The following PCYT1B variants were observed in gnomAD, a reference collection of about 807,000 sequenced individuals.
The protein encoded by PCYT1B is phosphate cytidylyltransferase 1B, choline.
A neutral mutation model predicts 26.4 loss-of-function variants in PCYT1B; 10 were observed. That is an observed-to-expected ratio of 0.38 (90% confidence interval 0.23 to 0.64). PCYT1B has a LOEUF of 0.64. Ranked by LOEUF, PCYT1B falls within the 30% of genes least tolerant of loss-of-function variation. The pLI is 0.56. For missense variants in PCYT1B, 161 were observed against 292.7 expected (o/e 0.55, Z 3.28); for synonymous variants, 131 against 108.4 (o/e 1.21, Z -1.29).
intron 1 of PCYT1B, 183 bp from the exon 2 acceptor site, chrX:24,619,267 G>A (rs1336698335): frequency 7.2e-6 from 3 of 418,218 alleles, no homozygotes; most frequent in Non-Finnish European, 1.3e-5. Flanking sequence ...GAAACCTTTT[G>A]GTTTGTTTTT....
At chrX:24,585,021 T>C (rs771990231) in intron 5 of PCYT1B, among the ~76,000 whole-genome samples, 1 of 111,772 alleles carries the variant, frequency 8.9e-6, no homozygotes, top group South Asian at 3.8e-4. Context: ...CTATAAGCCC[T>C]GGAGTGTATA....
At chrX:24,648,402 A>T (rs1926691733), upstream of PCYT1B, among the ~76,000 whole-genome samples, 1 of 100,661 alleles carries the variant, frequency 9.9e-6, no homozygotes, top group South Asian at 4.5e-4. Flanking sequence ...TTTTACAGGT[A>T]TTCACATTCA....
chrX:24,560,806 AC>A lies in PCYT1B; in HGVS notation c.*1486del, dbSNP rs1410685171. 5.4e-5 allele frequency: 6 copies of A among 111,821 alleles called. No individual in the cohort carries two copies. Among genetic ancestry groups the A allele is most frequent in the African/African-American group, 2.0e-4 (6 of 30,620 alleles). 9.2% of individuals were successfully genotyped at this position (111,821 alleles called of 1,213,427 possible). A position where few individuals can be genotyped will look rare whatever the true frequency, so the allele number is the denominator to read the frequency against. ...CTGGTTTGGGCCTCTATTCAGTCAGACCCCAGCTCTGTGTCTGAATTTACTG... is the reference window on the plus strand; with the variant it reads ...CTGGTTTGGGCCTCTATTCAGTCAGACCCAGCTCTGTGTCTGAATTTACTG... On this transcript the variant is annotated 3_prime_UTR_variant, in exon 8 of 8. Transcript: ENST00000379144.
At chrX:24,614,163 C>T (rs1334298973) in intron 2 of PCYT1B, among the ~76,000 whole-genome samples, 5 of 110,597 alleles carry the variant, frequency 4.5e-5, no homozygotes, top group Admixed American at 9.7e-5. Context: ...CCAAAGGTGC[C>T]GATTCTGATT....
intron 4 of PCYT1B, among the ~76,000 whole-genome samples, chrX:24,588,390 C>T (rs1171268803): frequency 9.0e-6 from 1 of 111,364 alleles, no homozygotes; most frequent in East Asian, 2.8e-4. Flanking sequence ...TCTGGTCATC[C>T]TCATGCCTGC....
At chrX:24,651,468 AAAAAATATATATATATAT>A (rs1352769710), upstream of PCYT1B, among the ~76,000 whole-genome samples, 579 of 33,926 alleles carry the variant, frequency 0.017, 40 homozygotes, top group Non-Finnish European at 0.024. Flanking sequence ...AAAAAAAAAA[AAAAAATATATATATATAT>A]ATATATATAT....
intron 3 of PCYT1B, among the ~76,000 whole-genome samples, chrX:24,601,154 AC>A (rs1327712106): frequency 3.6e-5 from 4 of 111,837 alleles, no homozygotes; most frequent in African/African-American, 1.3e-4. Flanking sequence ...AAAATTAAAA[AC>A]TTCTGTTCTG....
intron 1 of PCYT1B, among the ~76,000 whole-genome samples, chrX:24,670,092 G>GA (rs1927215662): frequency 1.0e-4 from 9 of 90,255 alleles, no homozygotes; most frequent in Non-Finnish European, 1.7e-4. Flanking sequence ...AAGAAAGAAA[G>GA]AAAGAAAGAA....
Position 24,560,479 on chromosome X carries a change from T to C in PCYT1B, c.*1814A>G, listed in dbSNP as rs780571984. ...GGCCCTTGACTGCAAAAAGAAGTTTTCTTCTTCACATGCCATGTTCCTGCC... is the reference window on the plus strand; with the variant it reads ...GGCCCTTGACTGCAAAAAGAAGTTTCCTTCTTCACATGCCATGTTCCTGCC... On this transcript the variant is annotated 3_prime_UTR_variant, in exon 8 of 8. Coordinates refer to ENST00000379144, the MANE Select transcript of PCYT1B (RefSeq NM_004845.5). The C allele has an allele frequency of 1.8e-5, 2 of 112,192 alleles. No individual in the cohort carries two copies. Among genetic ancestry groups the C allele is most frequent in the South Asian group, 3.8e-4 (1 of 2,618 alleles). The allele number at this position is 112,192 out of a possible 1,213,427, so 9.2% of individuals were successfully genotyped here.
intron 1 of PCYT1B, among the ~76,000 whole-genome samples, chrX:24,656,097 C>A (rs1407558415): frequency 1.1e-5 from 1 of 91,668 alleles, no homozygotes; most frequent in East Asian, 3.4e-4. Flanking sequence ...TCATTGCACT[C>A]CAGCCTGGGC....
intron 1 of PCYT1B, among the ~76,000 whole-genome samples, chrX:24,654,396 C>T (rs1246259716): frequency 1.9e-5 from 2 of 105,505 alleles, no homozygotes; most frequent in African/African-American, 3.4e-5. Flanking sequence ...CGTGAGCCAC[C>T]GCGCCTGGCC....
At chrX:24,623,299 G>T (rs1307968511) in intron 1 of PCYT1B, among the ~76,000 whole-genome samples, 5 of 106,156 alleles carry the variant, frequency 4.7e-5, no homozygotes, top group Non-Finnish European at 9.7e-5. Flanking sequence ...GATCACAGAA[G>T]ACAGACTATG....
intron 2 of PCYT1B, among the ~76,000 whole-genome samples, chrX:24,609,458 T>C (rs1438946895): frequency 8.9e-6 from 1 of 112,259 alleles, no homozygotes. Context: ...CGTGAGCTAA[T>C]AATGTTCTTT....
chrX:24,641,113 T>C (rs1926453501), intron 1 of PCYT1B, among the ~76,000 whole-genome samples: 1 of 111,264 alleles, frequency 9.0e-6, no homozygotes, highest in Non-Finnish European at 1.9e-5. Context: ...TTTGTATTTT[T>C]AGTAGAGATG....
At position 24,558,878 on chromosome X, in the gene PCYT1B, T is replaced by C. The variant is rs996642778; in HGVS notation, c.*3415A>G. 1 of 110,235 alleles carries C rather than the reference T, an allele frequency of 9.1e-6. No individual in the cohort carries two copies. Among genetic ancestry groups the C allele is most frequent in the African/African-American group, 3.3e-5 (1 of 30,301 alleles). 9.1% of individuals were successfully genotyped at this position (110,235 alleles called of 1,213,427 possible). A position where few individuals can be genotyped will look rare whatever the true frequency, so the allele number is the denominator to read the frequency against. Reference sequence around the variant, plus strand: ...TGACCAGTTCATTTTAGGGTCCCCATAAGCAGCTAATATAGAAGTGCTGAA... The same window carrying C: ...TGACCAGTTCATTTTAGGGTCCCCACAAGCAGCTAATATAGAAGTGCTGAA... On this transcript the variant is annotated 3_prime_UTR_variant, in exon 8 of 8. Transcript: ENST00000379144.
At chrX:24,645,402 A>G (rs937040691) in intron 1 of PCYT1B, among the ~76,000 whole-genome samples, 11 of 110,243 alleles carry the variant, frequency 1.0e-4, no homozygotes, top group African/African-American at 3.6e-4. Flanking sequence ...ACACACATAT[A>G]TATATTGGTC....
At chrX:24,583,594 C>T (rs780667168) in intron 5 of PCYT1B, among the ~76,000 whole-genome samples, 6 of 112,133 alleles carry the variant, frequency 5.4e-5, no homozygotes, top group Non-Finnish European at 1.1e-4. Flanking sequence ...GTTCCTACAC[C>T]TAAACAACTG....
In PCYT1B at chrX:24,616,374, A is replaced by G. The variant is rs189338038; in HGVS notation, c.217+2611T>C. Among the ~76,000 whole-genome samples the G allele has an allele frequency of 9.0e-3, 981 of 109,307 alleles. 16 individuals are homozygous for G. Among genetic ancestry groups the G allele is most frequent in the African/African-American group, 0.031 (921 of 29,973 alleles). The allele number at this position is 109,307 out of a possible 115,157, so 94.9% of individuals were successfully genotyped here. The stretch of plus-strand genomic sequence containing the variant: ...TGCCTCAGCCTCCTGAGTAGCTGGG[A>G]TTACAGGCATGCGCCACCACGCCTG... On this transcript the variant is annotated intron_variant, in intron 2 of 7. Transcript: ENST00000379144.
At chrX:24,608,593 A>C (rs950310973) in intron 2 of PCYT1B, among the ~76,000 whole-genome samples, 11 of 111,444 alleles carry the variant, frequency 9.9e-5, no homozygotes, top group African/African-American at 2.0e-4. Flanking sequence ...CCAACACTAT[A>C]GTCCTTCCTA....
Sources: gnomAD v4.1 joint callset for allele counts (sites outside exome capture counted in the v4.1 genomes callset) on GRCh38, gnomAD v4.1.1 for gene constraint, MANE v1.5 for transcripts, NCBI Gene and HGNC (gene_info 2026-07-23, HGNC 2026-07-21) for gene names.